The following CHERP variants were observed in gnomAD, a reference collection of about 807,000 sequenced individuals.
CHERP encodes the protein ERPROT 213-21.
CHERP carries 8 observed loss-of-function variants against 113.8 expected under a neutral mutation model. That is an observed-to-expected ratio of 0.07 (90% CI 0.04 to 0.13). The LOEUF is 0.13. CHERP is among the 10% of genes least tolerant of loss of function. The probability of loss-of-function intolerance (pLI) is 1.00; values close to 1 mark genes in which losing one functional copy is unlikely to be tolerated. For synonymous variants in CHERP, 559 were observed against 524.5 expected, an observed-to-expected ratio of 1.07 and a Z score of -0.90; for missense variants, 884 against 1,298.2, an observed-to-expected ratio of 0.68 and a Z score of 4.90.
chr19:16,531,014 G>T, intron 5 of CHERP, 134 bp from the exon 6 acceptor site: 2 of 1,410,580 alleles, frequency 1.4e-6, no homozygotes, highest in South Asian at 2.7e-5. Context: ...CAGGGCGATG[G>T]CTGGGCTCCC....
Position 16,518,903 on chromosome 19 carries a change from T to C in CHERP, c.*256A>G, listed in dbSNP as rs1219122369. ...GGGTCTTGTGTTTTTTGCTTCGCTA[T>C]AAAGGAAAACGAGCCTGGGGCCCTG... On this transcript the variant is annotated 3_prime_UTR_variant, in exon 17 of 17. Transcript: ENST00000546361. 3 of 531,960 alleles carry C rather than the reference T, an allele frequency of 5.6e-6. No homozygotes were observed. The highest frequency in any genetic ancestry group is 9.9e-6 in the Non-Finnish European group (3 of 303,064). The allele number at this position is 531,960 out of a possible 1,614,324, so 33.0% of individuals were successfully genotyped here. A position where few individuals can be genotyped will look rare whatever the true frequency, so the allele number is the denominator to read the frequency against.
intron 2 of CHERP, among the ~76,000 whole-genome samples, chr19:16,540,939 C>G (rs1182297356): frequency 1.3e-5 from 2 of 152,138 alleles, no homozygotes; most frequent in Admixed American, 6.5e-5. Context: ...CTCAAGTGAT[C>G]TGCCCGCCTT....
chr19:16,539,364 G>T (rs1040234763), intron 2 of CHERP, among the ~76,000 whole-genome samples: 16 of 152,006 alleles, frequency 1.1e-4, no homozygotes, highest in African/African-American at 3.4e-4. Context: ...AGCCAGGATG[G>T]TCTCGATCTC....
At position 16,532,250 on chromosome 19, in the gene CHERP, G is replaced by A. The variant is rs1382628399; in HGVS notation, c.674+348C>T. 8.1e-6 allele frequency: 2 copies of A among 247,122 alleles called. No homozygotes were observed. Among genetic ancestry groups the A allele is most frequent in the Admixed American group, 9.9e-5 (2 of 20,140 alleles). The allele number at this position is 247,122 out of a possible 1,614,324, so 15.3% of individuals were successfully genotyped here. A position where few individuals can be genotyped will look rare whatever the true frequency, so the allele number is the denominator to read the frequency against. On this transcript the variant is annotated intron_variant, in intron 5 of 16. Transcript: ENST00000546361. The surrounding 1 kb of genome is among the most constrained non-coding windows in gnomAD (Gnocchi z 4.4). The stretch of plus-strand genomic sequence containing the variant: ...GGCAGGAGACAGACACAGAGGCCAA[G>A]GAGGCCGTGGCTGAGAAGGCAACAA...
chr19:16,521,086 C>T (rs2085610328), intron 12 of CHERP, 174 bp from the exon 13 acceptor site: 3 of 640,634 alleles, frequency 4.7e-6, no homozygotes, highest in Admixed American at 4.7e-5. Context: ...GGCTGTCCTC[C>T]TGCAGCCCAG....
chr19:16,525,324 C>T lies in CHERP; in HGVS notation c.1659G>A (p.Gln553=), dbSNP rs1476390643. Residue 553 remains glutamine (Q), a synonymous_variant, in exon 10 of 17, where the codon CAG becomes CAA. Transcript: ENST00000546361. The surrounding 1 kb of genome is among the most constrained non-coding windows in gnomAD (Gnocchi z 6.5). ...NFNRFPPRFM[Q]DDFPPRHPFE... ...AGGGGTGCCGTGGCGGGAAGTCGTC[C>T]TGCATGAAGCGGGGCGGGAAGCGGT... 1 of 1,465,822 alleles carries T rather than the reference C, an allele frequency of 6.8e-7. No individual in the cohort carries two copies. Among genetic ancestry groups the T allele is most frequent in the Admixed American group, 2.6e-5 (1 of 37,802 alleles). 90.8% of individuals were successfully genotyped at this position (1,465,822 alleles called of 1,614,324 possible). A position where few individuals can be genotyped will look rare whatever the true frequency, so the allele number is the denominator to read the frequency against.
chr19:16,531,426 T>C (rs780328457), intron 5 of CHERP, among the ~76,000 whole-genome samples: 50 of 152,060 alleles, frequency 3.3e-4, no homozygotes, highest in Non-Finnish European at 6.5e-4. Context: ...TCAGGGCTGC[T>C]GTGCAGTGCT....
rs553892141 is a variant in CHERP, at chr19:16,532,268, G to A, written c.674+330C>T. 2.2e-4 allele frequency: 61 copies of A among 280,912 alleles called. No homozygotes were observed. In the Middle Eastern group the frequency reaches 4.3e-3, roughly 20 times the overall value. The allele number at this position is 280,912 out of a possible 1,614,324, so 17.4% of individuals were successfully genotyped here. A position where few individuals can be genotyped will look rare whatever the true frequency, so the allele number is the denominator to read the frequency against. On this transcript the variant is annotated intron_variant, in intron 5 of 16. Transcript: ENST00000546361. This position sits in a 1 kb window ranked among gnomAD's most constrained non-coding sequence, Gnocchi z 4.4. ...AGGCCAAGGAGGCCGTGGCTGAGAAGGCAACAAGGAGACGCCAAGAAGCTG... is the reference window on the plus strand; with the variant it reads ...AGGCCAAGGAGGCCGTGGCTGAGAAAGCAACAAGGAGACGCCAAGAAGCTG...
In CHERP at chr19:16,523,299, C is replaced by A. The variant is rs763921296; in HGVS notation, c.1742-9G>T. The A allele has an allele frequency of 6.2e-7, 1 of 1,602,788 alleles. No individual in the cohort carries two copies. The highest frequency in any genetic ancestry group is 8.5e-7 in the Non-Finnish European group (1 of 1,175,610). ...GTGAGGGGGCCCCATTTCTGCAAAA[C>A]AGAGACTTGCCTCAGGACCACAGGC... On this transcript the variant is annotated splice_polypyrimidine_tract_variant and intron_variant, in intron 10 of 16. Coordinates refer to ENST00000546361, the MANE Select transcript of CHERP (RefSeq NM_006387.6). The surrounding 1 kb of genome is among the most constrained non-coding windows in gnomAD (Gnocchi z 4.0).
Position 16,534,445 on chromosome 19 carries a change from C to G in CHERP, c.384+1007G>C, listed in dbSNP as rs1048938128. On this transcript the variant is annotated intron_variant, in intron 3 of 16. Coordinates refer to ENST00000546361, the MANE Select transcript of CHERP (RefSeq NM_006387.6). ...TTTGGAGGTTTGGTATTCTATTCCT[C>G]TCATTTTTCTGGCAATGCACTTGTA... Among the ~76,000 whole-genome samples, 4 of 152,058 alleles carry G rather than the reference C, an allele frequency of 2.6e-5. No individual in the cohort carries two copies. The East Asian group carries it at 5.8e-4, about 22-fold the overall frequency.
At position 16,535,963 on chromosome 19, in the gene CHERP, C is replaced by T. The variant is rs1172369623; in HGVS notation, c.200-327G>A. On this transcript the variant is annotated intron_variant, in intron 2 of 16. Coordinates refer to ENST00000546361, the MANE Select transcript of CHERP (RefSeq NM_006387.6). The surrounding 1 kb of genome is among the most constrained non-coding windows in gnomAD (Gnocchi z 4.3). ...CAAGCTAAGCTTGCCTGCCCACCTC[C>T]TCACCCACCTAGGCCCCACCTGATG... 6.6e-6 allele frequency among the ~76,000 whole-genome samples: 1 copy of T among 152,222 alleles called. No homozygotes were observed. Among genetic ancestry groups the T allele is most frequent in the Admixed American group, 6.5e-5 (1 of 15,290 alleles).
chr19:16,521,076 G>A, intron 12 of CHERP, 164 bp from the exon 13 acceptor site: 2 of 657,628 alleles, frequency 3.0e-6, no homozygotes, highest in Admixed American at 2.3e-5. Flanking sequence ...GTTCCCACAG[G>A]GCTGTCCTCC....
In CHERP at chr19:16,525,235, C is replaced by T. The variant is rs1042851026; in HGVS notation, c.1741+7G>A. ...GCCAGGCCCTACCCAGGCGCCCGTA[C>T]ACTCACCGGCAGGGAAGTCCCCCTG... On this transcript the variant is annotated splice_region_variant and intron_variant, in intron 10 of 16. Coordinates refer to ENST00000546361, the MANE Select transcript of CHERP (RefSeq NM_006387.6). This position sits in a 1 kb window ranked among gnomAD's most constrained non-coding sequence, Gnocchi z 6.5. 36 of 1,425,976 alleles carry T rather than the reference C, an allele frequency of 2.5e-5. No homozygotes were observed. In the African/African-American group the frequency reaches 4.9e-4, roughly 19 times the overall value. The allele number at this position is 1,425,976 out of a possible 1,614,324, so 88.3% of individuals were successfully genotyped here.
Position 16,530,451 on chromosome 19 carries a change from G to C in CHERP, c.876+134C>G. 3 of 786,904 alleles carry C rather than the reference G, an allele frequency of 3.8e-6. No homozygotes were observed. In the South Asian group the frequency reaches 4.5e-5, roughly 12 times the overall value. The allele number at this position is 786,904 out of a possible 1,614,324, so 48.7% of individuals were successfully genotyped here. A position where few individuals can be genotyped will look rare whatever the true frequency, so the allele number is the denominator to read the frequency against. On this transcript the variant is annotated intron_variant, in intron 7 of 16. Transcript: ENST00000546361. This position sits in a 1 kb window ranked among gnomAD's most constrained non-coding sequence, Gnocchi z 4.1. ...GGGACTCTCTGGTCAACACACACTG[G>C]CTACTCCTAGCACAGGCAGGGGACA...
chr19:16,535,749 C>T lies in CHERP; in HGVS notation c.200-113G>A, dbSNP rs1442911923. On this transcript the variant is annotated intron_variant, in intron 2 of 16. Coordinates refer to ENST00000546361, the MANE Select transcript of CHERP (RefSeq NM_006387.6). The surrounding 1 kb of genome is among the most constrained non-coding windows in gnomAD (Gnocchi z 4.3). Reference sequence around the variant, plus strand: ...CCCCTCCCCAGGGACTCACCATCCACGAGGGCCTGTTCATAGCCTCATGCC... The same window carrying T: ...CCCCTCCCCAGGGACTCACCATCCATGAGGGCCTGTTCATAGCCTCATGCC... The T allele has an allele frequency of 1.1e-5, 12 of 1,047,088 alleles. 1 individual carries two copies. The East Asian group carries it at 2.1e-4, about 19-fold the overall frequency. The allele number at this position is 1,047,088 out of a possible 1,614,324, so 64.9% of individuals were successfully genotyped here.
At chr19:16,527,433 T>C (rs1224024588) in intron 9 of CHERP, among the ~76,000 whole-genome samples, 1 of 152,156 alleles carries the variant, frequency 6.6e-6, no homozygotes, top group African/African-American at 2.4e-5. Flanking sequence ...CTTACACCTG[T>C]CCCTGCAGAC....
chr19:16,532,771 C>T lies in CHERP; in HGVS notation c.523-22G>A, dbSNP rs369439990. On this transcript the variant is annotated intron_variant, in intron 4 of 16. Transcript: ENST00000546361. This position sits in a 1 kb window ranked among gnomAD's most constrained non-coding sequence, Gnocchi z 4.4. ...CGGCCTGCAACAACCGAGCCAATGACGAGTGAGCAGGGCCGCGGCTCCCCC... is the reference window on the plus strand; with the variant it reads ...CGGCCTGCAACAACCGAGCCAATGATGAGTGAGCAGGGCCGCGGCTCCCCC... 3.9e-5 allele frequency: 62 copies of T among 1,596,734 alleles called. No homozygotes were observed. Among genetic ancestry groups the T allele is most frequent in the East Asian group, 1.6e-4 (7 of 44,550 alleles).
chr19:16,522,927 C>G, intron 11 of CHERP, 125 bp downstream of exon 11: 1 of 1,149,108 alleles, frequency 8.7e-7, no homozygotes. Flanking sequence ...ATCAGGGTCC[C>G]TAGGGAGTGG....
chr19:16,520,087 T>A lies in CHERP; in HGVS notation c.2462+62A>T, dbSNP rs2085595024. 6.5e-7 allele frequency: 1 copy of A among 1,534,120 alleles called. No homozygotes were observed. The highest frequency in any genetic ancestry group is 9.0e-7 in the Non-Finnish European group (1 of 1,114,960). ...TCTCCTAACCACCAATGTTTCCACA[T>A]TCACAGCAAAGCACCGCAGCTTCCC... On this transcript the variant is annotated intron_variant, in intron 15 of 16. Coordinates refer to ENST00000546361, the MANE Select transcript of CHERP (RefSeq NM_006387.6). This position sits in a 1 kb window ranked among gnomAD's most constrained non-coding sequence, Gnocchi z 4.0.
Sources: allele counts gnomAD v4.1 joint callset (sites outside exome capture counted in the v4.1 genomes callset), GRCh38; gene constraint gnomAD v4.1.1; non-coding constraint Gnocchi (gnomAD v3.1); transcripts MANE v1.5; gene names NCBI Gene and HGNC (gene_info 2026-07-23, HGNC 2026-07-21).